Variants in NEDD4L observed in about 807,000 individuals in gnomAD.
NEDD4L encodes the protein NEDD4 like E3 ubiquitin protein ligase.
A neutral mutation model predicts 148.9 loss-of-function variants in NEDD4L; 54 were observed. The ratio of observed to expected loss-of-function variants is 0.36; its 90% CI spans 0.29 to 0.45. The LOEUF (loss-of-function observed/expected upper bound fraction) is 0.45. NEDD4L is among the 20% of genes least tolerant of loss of function. NEDD4L has a pLI of 1.00. For synonymous variants in NEDD4L, 433 were observed against 440.7 expected, an observed-to-expected ratio of 0.98 and a Z score of 0.22; for missense variants, 856 against 1,233.8, an observed-to-expected ratio of 0.69 and a Z score of 4.59.
At chr18:58,121,010 G>A (rs2086208240) in intron 1 of NEDD4L, among the ~76,000 whole-genome samples, 2 of 152,106 alleles carry the variant, frequency 1.3e-5, no homozygotes, top group Non-Finnish European at 2.9e-5. Context: ...TCTATCAAGT[G>A]ATGAAAGTTT....
At chr18:58,175,041 A>G (rs946683097) in intron 2 of NEDD4L, among the ~76,000 whole-genome samples, 2 of 152,264 alleles carry the variant, frequency 1.3e-5, no homozygotes, top group Admixed American at 1.3e-4. Flanking sequence ...AGGTCAGACC[A>G]AAGTTTGCAG....
intron 1 of NEDD4L, among the ~76,000 whole-genome samples, chr18:58,163,268 A>T (rs963903016): frequency 2.0e-5 from 3 of 152,182 alleles, no homozygotes; most frequent in Admixed American, 6.5e-5. Flanking sequence ...TCTAGCAGGG[A>T]CATCATTTGA....
intron 5 of NEDD4L, among the ~76,000 whole-genome samples, chr18:58,301,138 T>A (rs2056407045): frequency 1.3e-5 from 2 of 152,278 alleles, no homozygotes; most frequent in South Asian, 4.1e-4. Flanking sequence ...TCCTTTAAAC[T>A]ATGGAAGAGC....
At chr18:58,169,314 G>A (rs756157909) in intron 2 of NEDD4L, among the ~76,000 whole-genome samples, 40 of 152,164 alleles carry the variant, frequency 2.6e-4, no homozygotes, top group Non-Finnish European at 5.7e-4. Context: ...AAACAGCAAT[G>A]GCAGAGAAAG....
chr18:58,384,457 G>A (rs1039479262), intron 25 of NEDD4L, among the ~76,000 whole-genome samples: 1 of 152,226 alleles, frequency 6.6e-6, no homozygotes, highest in Non-Finnish European at 1.5e-5. Context: ...AGACACCATT[G>A]TCTTCCTTCA....
chr18:58,236,011 C>A (rs1402651303), intron 2 of NEDD4L, among the ~76,000 whole-genome samples: 2 of 144,866 alleles, frequency 1.4e-5, no homozygotes, highest in Admixed American at 1.4e-4. Context: ...CCAGCCTGGG[C>A]GAGAGAGTGA....
intron 19 of NEDD4L, among the ~76,000 whole-genome samples, chr18:58,361,466 G>A (rs1036499401): frequency 4.6e-5 from 7 of 152,124 alleles, no homozygotes; most frequent in African/African-American, 1.7e-4. Context: ...ATAATCAGCC[G>A]ACTTGAAACT....
chr18:58,379,506 T>TA, intron 24 of NEDD4L, among the ~76,000 whole-genome samples: 1 of 152,180 alleles, frequency 6.6e-6, no homozygotes, highest in Non-Finnish European at 1.5e-5. Context: ...AGGCTGTAGT[T>TA]AGAGTGATGG....
At chr18:58,114,336 G>T (rs1416472253) in intron 1 of NEDD4L, among the ~76,000 whole-genome samples, 1 of 150,954 alleles carries the variant, frequency 6.6e-6, no homozygotes, top group Non-Finnish European at 1.5e-5. Flanking sequence ...TCCATTGGGA[G>T]ATTTAAAAAA....
At chr18:58,073,173 A>G (rs994277034) in intron 1 of NEDD4L, among the ~76,000 whole-genome samples, 2 of 152,140 alleles carry the variant, frequency 1.3e-5, no homozygotes, top group Non-Finnish European at 2.9e-5. Flanking sequence ...TACTCCCCAG[A>G]TTGAGCTGCA....
At chr18:58,324,034 G>A (rs908384932) in intron 8 of NEDD4L, among the ~76,000 whole-genome samples, 5 of 152,200 alleles carry the variant, frequency 3.3e-5, no homozygotes, top group African/African-American at 1.2e-4. Context: ...AATAATGTGT[G>A]TGGAGAAGTT....
intron 5 of NEDD4L, among the ~76,000 whole-genome samples, chr18:58,253,126 T>G (rs1161113485): frequency 6.6e-6 from 1 of 152,226 alleles, no homozygotes; most frequent in Non-Finnish European, 1.5e-5. Context: ...CAGTATTCAA[T>G]TGAAACTCCA....
intron 15 of NEDD4L, 135 bp from the exon 16 acceptor site, chr18:58,342,771 A>G (rs2042595109): frequency 3.2e-6 from 2 of 617,582 alleles, no homozygotes; most frequent in Non-Finnish European, 5.3e-6. Context: ...AAGTAAATGA[A>G]TGACAGAAAA....
At chr18:58,387,089 A>G (rs1186196584) in intron 26 of NEDD4L, among the ~76,000 whole-genome samples, 2 of 152,144 alleles carry the variant, frequency 1.3e-5, no homozygotes, top group African/African-American at 4.8e-5. Flanking sequence ...GTTATTTTTA[A>G]GCGTGTCTCT....
At chr18:58,203,394 TAA>T (rs1403513539) in intron 2 of NEDD4L, among the ~76,000 whole-genome samples, 1 of 152,218 alleles carries the variant, frequency 6.6e-6, no homozygotes. Flanking sequence ...AAAAATAAAA[TAA>T]AAGTCTTTAT....
chr18:58,130,646 G>A (rs2031946471), intron 1 of NEDD4L, among the ~76,000 whole-genome samples: 1 of 144,016 alleles, frequency 6.9e-6, no homozygotes, highest in African/African-American at 2.6e-5. Context: ...CTCTGTTGGG[G>A]TTTGGTTGAC....
intron 2 of NEDD4L, among the ~76,000 whole-genome samples, chr18:58,178,934 T>A (rs957470675): frequency 2.0e-5 from 3 of 152,002 alleles, no homozygotes; most frequent in African/African-American, 7.3e-5. Context: ...AGTTTGGGAG[T>A]GGCTGGTAGA....
At chr18:58,351,803 T>G (rs757306917) in intron 18 of NEDD4L, among the ~76,000 whole-genome samples, 2 of 152,238 alleles carry the variant, frequency 1.3e-5, no homozygotes, top group Non-Finnish European at 2.9e-5. Context: ...TGGTAGTATC[T>G]TGGTCTTTGC....
chr18:58,068,847 G>A (rs2144848765), intron 1 of NEDD4L, among the ~76,000 whole-genome samples: 1 of 152,220 alleles, frequency 6.6e-6, no homozygotes, highest in African/African-American at 2.4e-5. Flanking sequence ...TTGGAAAGAA[G>A]CGTTCCTGGC....
Sources: allele counts gnomAD v4.1 joint callset (sites outside exome capture counted in the v4.1 genomes callset), GRCh38; gene constraint gnomAD v4.1.1; transcripts MANE v1.5; gene names NCBI Gene and HGNC (gene_info 2026-07-23, HGNC 2026-07-21).